RAB3GAP2: variants seen among roughly 807,000 people sequenced by gnomAD.
RAB3GAP2 encodes rab3 GTPase-activating protein non-catalytic subunit.
RAB3GAP2 carries 87 observed loss-of-function variants against 185.3 expected under a neutral mutation model. The ratio of observed to expected loss-of-function variants is 0.47; its 90% confidence interval spans 0.39 to 0.56. The LOEUF (loss-of-function observed/expected upper bound fraction) is 0.56, where lower values mean the gene tolerates loss of function less well. Among genes scored for constraint, RAB3GAP2 ranks in the 20% least tolerant of loss-of-function variants. The pLI, the probability that RAB3GAP2 is intolerant of heterozygous loss-of-function variation, is 0.00. For synonymous variants in RAB3GAP2, 554 were observed against 576.1 expected, an observed-to-expected ratio of 0.96 and a Z score of 0.55; for missense variants, 1,492 against 1,638.2, an observed-to-expected ratio of 0.91 and a Z score of 1.54.
chr1:220,270,139 A>T (rs1660308334), intron 1 of RAB3GAP2, among the ~76,000 whole-genome samples: 1 of 152,056 alleles, frequency 6.6e-6, no homozygotes, highest in African/African-American at 2.4e-5. Flanking sequence ...GCATTTGCAA[A>T]ACTGCTGACC....
chr1:220,183,681 G>A (rs566310238), intron 19 of RAB3GAP2, among the ~76,000 whole-genome samples: 71 of 152,170 alleles, frequency 4.7e-4, no homozygotes, highest in South Asian at 1.7e-3. Context: ...ATAAAGCAGC[G>A]TAAACACTAT....
rs768227389 is a variant in RAB3GAP2, at chr1:220,153,429, G to C, written c.3646-23C>G. ...GAACTTGAAAATGGAGAAAGAGATA[G>C]AGCAATGCATTGTTACTGTTTCATT... On this transcript the variant is annotated intron_variant, in intron 32 of 34. Transcript: ENST00000358951. 15 of 1,587,620 alleles carry C rather than the reference G, an allele frequency of 9.4e-6. 1 individual carries two copies. In the Middle Eastern group the frequency reaches 8.3e-4, roughly 88 times the overall value.
intron 1 of RAB3GAP2, chr1:220,253,795 C>T (rs1462993825): frequency 6.8e-6 from 11 of 1,611,868 alleles, no homozygotes; most frequent in Admixed American, 1.7e-5. Flanking sequence ...ACAGCGAGAA[C>T]TTCAAAAAGC....
chr1:220,182,380 T>G, intron 20 of RAB3GAP2, 26 bp from the exon 21 acceptor site: 1 of 1,613,574 alleles, frequency 6.2e-7, no homozygotes, highest in South Asian at 1.1e-5. Context: ...CAAAGCACAT[T>G]AATCAATGAC....
chr1:220,210,338 GC>G, intron 7 of RAB3GAP2, 49 bp downstream of exon 7: 1 of 1,350,028 alleles, frequency 7.4e-7, no homozygotes, highest in South Asian at 1.2e-5. Context: ...GAGAGAAACT[GC>G]TTCAAAATAA....
chr1:220,188,524 C>A (rs1419133826), intron 17 of RAB3GAP2, among the ~76,000 whole-genome samples: 1 of 151,900 alleles, frequency 6.6e-6, no homozygotes, highest in Non-Finnish European at 1.5e-5. Context: ...ACGAGCCTGG[C>A]AAAAAGTAAA....
chr1:220,207,591 A>G (rs1270608173), intron 7 of RAB3GAP2: 3 of 152,294 alleles, frequency 2.0e-5, no homozygotes, highest in Non-Finnish European at 4.4e-5. Context: ...GTGTTCTCAC[A>G]TGACAAGTTC....
At chr1:220,205,305 A>G (rs985457003) in intron 8 of RAB3GAP2, among the ~76,000 whole-genome samples, 2 of 152,094 alleles carry the variant, frequency 1.3e-5, no homozygotes, top group African/African-American at 4.8e-5. Flanking sequence ...GTCATTGCCC[A>G]TATATATATT....
chr1:220,171,127 A>C lies in RAB3GAP2; in HGVS notation c.2578-7T>G, dbSNP rs966830399. ...CCAAAACTGTTTGGGAAAACTAATA[A>C]AAAATGCACTGGTGATTCTTTGCCA... On this transcript the variant is annotated splice_region_variant and splice_polypyrimidine_tract_variant and intron_variant, in intron 23 of 34. Transcript: ENST00000358951. 1 of 1,610,448 alleles carries C rather than the reference A, an allele frequency of 6.2e-7. No individual in the cohort carries two copies. The highest frequency in any genetic ancestry group is 1.3e-5 in the African/African-American group (1 of 74,816).
intron 17 of RAB3GAP2, among the ~76,000 whole-genome samples, chr1:220,188,087 A>C (rs1230688776): frequency 1.3e-5 from 2 of 151,458 alleles, no homozygotes; most frequent in Non-Finnish European, 2.9e-5. Context: ...CTGCCAAAGA[A>C]ATTGACTGGT....
chr1:220,230,373 AG>A (rs1448716576), intron 2 of RAB3GAP2, among the ~76,000 whole-genome samples: 1 of 152,248 alleles, frequency 6.6e-6, no homozygotes, highest in Non-Finnish European at 1.5e-5. Flanking sequence ...AGTCAGTCTT[AG>A]GAAAAGCAGA....
At position 220,195,359 on chromosome 1, in the gene RAB3GAP2, A is replaced by C; in HGVS notation, c.979T>G (p.Leu327Val). Residue 327 changes from leucine (L) to valine (V), a missense_variant, in exon 11 of 35, where the codon TTA (leucine) becomes GTA (valine). Around this residue, in one of 5 missense-constraint regions of RAB3GAP2, gnomAD observed 243 missense variants for 314.8 expected, o/e 0.77. Transcript: ENST00000358951. ...GCAACTGCTAGTGCAACATGGGATAATAATGGTTGTGTGCTTCCCTGAAAA... is the reference window on the plus strand; with the variant it reads ...GCAACTGCTAGTGCAACATGGGATACTAATGGTTGTGTGCTTCCCTGAAAA... ...YALEGSTQPL[L>V]SHVALAVASK... 1 of 1,612,972 alleles carries C rather than the reference A, an allele frequency of 6.2e-7. No individual in the cohort carries two copies.
chr1:220,170,141 C>G (rs997253864), intron 24 of RAB3GAP2, among the ~76,000 whole-genome samples: 1 of 152,090 alleles, frequency 6.6e-6, no homozygotes, highest in Non-Finnish European at 1.5e-5. Flanking sequence ...AGCTGGAAAC[C>G]GTCATTCTCA....
chr1:220,166,772 C>G (rs547709558), intron 26 of RAB3GAP2, among the ~76,000 whole-genome samples: 1 of 151,098 alleles, frequency 6.6e-6, no homozygotes, highest in South Asian at 2.1e-4. Context: ...CTTTGTTCTT[C>G]TGAGGCATAC....
chr1:220,225,176 GCCTAGA>G (rs1166694262), intron 2 of RAB3GAP2, among the ~76,000 whole-genome samples: 16 of 152,176 alleles, frequency 1.1e-4, no homozygotes, highest in Admixed American at 9.2e-4. Context: ...CAGAGACCAA[GCCTAGA>G]CAACTTGTTG....
At chr1:220,202,899 C>T (rs562861162) in intron 8 of RAB3GAP2, among the ~76,000 whole-genome samples, 52 of 152,250 alleles carry the variant, frequency 3.4e-4, no homozygotes, top group African/African-American at 1.2e-3. Context: ...GCTGAGATCA[C>T]GCCACTGCAC....
chr1:220,189,456 T>C (rs1377581799), intron 17 of RAB3GAP2, among the ~76,000 whole-genome samples: 1 of 151,648 alleles, frequency 6.6e-6, no homozygotes, highest in East Asian at 1.9e-4. Context: ...ACTGACCTCA[T>C]GATCCCCCTG....
intron 2 of RAB3GAP2, among the ~76,000 whole-genome samples, chr1:220,227,146 A>G (rs886198138): frequency 2.8e-4 from 42 of 152,252 alleles, no homozygotes; most frequent in Non-Finnish European, 1.0e-4. Flanking sequence ...AGATGAATAC[A>G]GACATGAAAT....
At position 220,252,169 on chromosome 1, in the gene RAB3GAP2, A is replaced by G. The variant is rs536754911; in HGVS notation, c.116-19306T>C. The stretch of plus-strand genomic sequence containing the variant: ...CAAAAAAAGAAAAAAAAAAAAAAAA[A>G]AGAGAAAATGAAGAAAAAAAACAAG... On this transcript the variant is annotated intron_variant, in intron 1 of 34. Coordinates refer to ENST00000358951, the MANE Select transcript of RAB3GAP2 (RefSeq NM_012414.4). 1.9e-3 allele frequency among the ~76,000 whole-genome samples: 286 copies of G among 151,130 alleles called. 5 individuals carry two copies. The highest frequency in any genetic ancestry group is 6.6e-3 in the African/African-American group (271 of 41,332).
Sources: allele counts gnomAD v4.1 joint callset (sites outside exome capture counted in the v4.1 genomes callset), GRCh38; gene constraint gnomAD v4.1.1; regional missense constraint gnomAD v4.1.1; transcripts MANE v1.5; gene names NCBI Gene and HGNC (gene_info 2026-07-23, HGNC 2026-07-21).